The following HIP1 variants were observed in gnomAD, a reference collection of about 807,000 sequenced individuals.
HIP1 encodes huntingtin interacting protein 1, also known as huntingtin-interacting protein 1.
HIP1 carries 65 observed loss-of-function variants against 147.6 expected under a neutral mutation model. The ratio of observed to expected loss-of-function variants is 0.44; its 90% confidence interval spans 0.36 to 0.54. HIP1 has a LOEUF of 0.54. Ranked by LOEUF, HIP1 falls within the 20% of genes least tolerant of loss-of-function variation. The probability of loss-of-function intolerance (pLI) is 0.00; values close to 1 mark genes in which losing one functional copy is unlikely to be tolerated. For missense variants in HIP1, 1,061 were observed against 1,299.6 expected, an observed-to-expected ratio of 0.82 and a Z score of 2.82; for synonymous variants, 479 against 504.0, an observed-to-expected ratio of 0.95 and a Z score of 0.67.
At chr7:75,726,283 C>CA (rs1554522336) in intron 1 of HIP1, among the ~76,000 whole-genome samples, 2 of 83,150 alleles carry the variant, frequency 2.4e-5, no homozygotes. Context: ...AGTGCCTGGG[C>CA]ATTTTTTTTT....
intron 1 of HIP1, among the ~76,000 whole-genome samples, chr7:75,617,369 G>A (rs587685330): frequency 6.4e-4 from 97 of 151,936 alleles, no homozygotes; most frequent in African/African-American, 2.3e-3. Flanking sequence ...GTGAGCCACC[G>A]CACCCAGCCA....
chr7:75,720,440 C>A (rs183959446), intron 1 of HIP1, among the ~76,000 whole-genome samples: 1 of 152,044 alleles, frequency 6.6e-6, no homozygotes, highest in Non-Finnish European at 1.5e-5. Context: ...GGATTACAGG[C>A]GTGAGTTACC....
In HIP1 at chr7:75,656,867, C is replaced by A. The variant is rs558457136; in HGVS notation, c.121-57620G>T. On this transcript the variant is annotated intron_variant, in intron 1 of 30. Coordinates refer to ENST00000336926, the MANE Select transcript of HIP1 (RefSeq NM_005338.7). ...GGTACAAGTCTCTGAACAGGACAAT[C>A]TGGCAGGGTCTAATAAATTTCAAAT... Among the ~76,000 whole-genome samples, 290 of 152,300 alleles carry A rather than the reference C, an allele frequency of 1.9e-3. 1 individual carries two copies. The highest frequency in any genetic ancestry group is 6.9e-3 in the African/African-American group (286 of 41,578).
At chr7:75,621,598 A>G (rs1344470673) in intron 1 of HIP1, among the ~76,000 whole-genome samples, 1 of 152,140 alleles carries the variant, frequency 6.6e-6, no homozygotes, top group Admixed American at 6.6e-5. Flanking sequence ...ATCTGATTCA[A>G]TAGGATCCCT....
intron 1 of HIP1, chr7:75,611,865 C>A: frequency 9.8e-7 from 1 of 1,019,880 alleles, no homozygotes; most frequent in Non-Finnish European, 1.2e-6. Context: ...GCAGGAAGGG[C>A]GCCTTTCTCC....
chr7:75,569,584 G>C (rs1007763629), intron 8 of HIP1, among the ~76,000 whole-genome samples: 1 of 152,124 alleles, frequency 6.6e-6, no homozygotes, highest in Admixed American at 6.6e-5. Context: ...ACTCCAGCCT[G>C]GGTGACAGAG....
chr7:75,726,744 A>G (rs116966160), intron 1 of HIP1, among the ~76,000 whole-genome samples: 13,536 of 141,480 alleles, frequency 0.096, 783 homozygotes, highest in Middle Eastern at 0.15. Context: ...CGCTCTGTCC[A>G]CCAGGCTGGA....
intron 1 of HIP1, among the ~76,000 whole-genome samples, chr7:75,707,970 T>C (rs939106291): frequency 6.4e-5 from 9 of 140,664 alleles, no homozygotes; most frequent in Admixed American, 5.9e-4. Flanking sequence ...TAAAGATTTA[T>C]ACGTTAGACC....
At chr7:75,635,577 CAAAAAAA>C (rs144914669) in intron 1 of HIP1, among the ~76,000 whole-genome samples, 2 of 69,824 alleles carry the variant, frequency 2.9e-5, no homozygotes, top group Non-Finnish European at 5.2e-5. Flanking sequence ...GACTCCATCT[CAAAAAAA>C]AAAAAAAAAA....
intron 1 of HIP1, among the ~76,000 whole-genome samples, chr7:75,650,453 C>CTTTTTTTTTTTT (rs782108312): frequency 0.021 from 2,657 of 126,148 alleles, 124 homozygotes; most frequent in East Asian, 0.074. Context: ...GCCCAGTTAT[C>CTTTTTTTTTTTT]TTTTTTTTTT....
chr7:75,598,428 CTT>C (rs148833979), intron 2 of HIP1, among the ~76,000 whole-genome samples: 2 of 143,130 alleles, frequency 1.4e-5, no homozygotes, highest in Non-Finnish European at 1.5e-5. Flanking sequence ...CTCTCTTTTT[CTT>C]TTTTTTTTGC....
chr7:75,615,459 G>A (rs587683128), intron 1 of HIP1, among the ~76,000 whole-genome samples: 151 of 152,244 alleles, frequency 9.9e-4, no homozygotes, highest in Middle Eastern at 3.4e-3. Flanking sequence ...GGCTGAGGCA[G>A]GAGGATTGCT....
intron 1 of HIP1, among the ~76,000 whole-genome samples, chr7:75,638,211 C>G (rs568812585): frequency 1.3e-5 from 2 of 152,102 alleles, no homozygotes; most frequent in East Asian, 3.9e-4. Context: ...TTCAGAGTGA[C>G]AGCCAATCAA....
rs1796614023 is a variant in HIP1 at position 75,594,436 on chromosome 7, C to T, written c.185-1922G>A. On this transcript the variant is annotated intron_variant, in intron 2 of 30. Coordinates refer to ENST00000336926, the MANE Select transcript of HIP1 (RefSeq NM_005338.7). The stretch of plus-strand genomic sequence containing the variant: ...AACCACTTCTCCCCAGGCCTGATTC[C>T]AAACACACCCACCCTCTGCAGATAG... Among the ~76,000 whole-genome samples the T allele has an allele frequency of 2.0e-5, 3 of 152,006 alleles. No individual in the cohort carries two copies. The South Asian group carries it at 6.2e-4, about 32-fold the overall frequency.
At chr7:75,556,216 A>G (rs1469202666) in intron 17 of HIP1, 47 bp from the exon 18 acceptor site, 2 of 1,600,364 alleles carry the variant, frequency 1.2e-6, no homozygotes, top group African/African-American at 2.7e-5. Context: ...GTTGAGTTAA[A>G]CAGTCCCTAC....
Position 75,541,925 on chromosome 7 carries a change from A to G in HIP1, c.2946T>C (p.Asp982=). The G allele has an allele frequency of 6.2e-7, 1 of 1,610,522 alleles. No homozygotes were observed. The highest frequency in any genetic ancestry group is 2.2e-5 in the East Asian group (1 of 44,852). The stretch of plus-strand genomic sequence containing the variant: ...TTACAGATGGAGCTCTCACCTGAGA[A>G]TCCATCTCTTGGCGTTTGATCTGTG... ...TLTQIKRQEM[D]SQVRVLELEN... Residue 982 remains aspartate, a synonymous_variant, in exon 29 of 31, where the codon GAT becomes GAC. Coordinates refer to ENST00000336926, the MANE Select transcript of HIP1 (RefSeq NM_005338.7).
chr7:75,619,989 G>T (rs1797792293), intron 1 of HIP1, among the ~76,000 whole-genome samples: 2 of 152,078 alleles, frequency 1.3e-5, no homozygotes, highest in East Asian at 3.9e-4. Flanking sequence ...ATCTCTCTCT[G>T]GTCTTCCCTA....
At chr7:75,609,095 C>G (rs1797332228) in intron 1 of HIP1, among the ~76,000 whole-genome samples, 1 of 152,202 alleles carries the variant, frequency 6.6e-6, no homozygotes. Flanking sequence ...AAGTTTCTTC[C>G]TAAACCAGCG....
rs144155918 is a variant in HIP1, at chr7:75,675,641, T to C, written c.120+63160A>G. On this transcript the variant is annotated intron_variant, in intron 1 of 30. Coordinates refer to ENST00000336926, the MANE Select transcript of HIP1 (RefSeq NM_005338.7). ...TGTTTTCATACTTTTCATTCATTTT[T>C]TAGACATGGTTTTCTTTAGTTCTTT... Among the ~76,000 whole-genome samples the C allele has an allele frequency of 3.8e-3, 573 of 152,308 alleles. 2 individuals are homozygous for C. The highest frequency in any genetic ancestry group is 6.6e-3 in the Non-Finnish European group (452 of 68,038).
Sources: gnomAD v4.1 joint callset for allele counts (sites outside exome capture counted in the v4.1 genomes callset) on GRCh38, gnomAD v4.1.1 for gene constraint, MANE v1.5 for transcripts, NCBI Gene and HGNC (gene_info 2026-07-23, HGNC 2026-07-21) for gene names.